HSD17B13: variants seen among roughly 807,000 people sequenced by gnomAD.
HSD17B13 encodes 17-beta-hydroxysteroid dehydrogenase 13.
A neutral mutation model predicts 31.1 loss-of-function variants in HSD17B13; 26 were observed. The ratio of observed to expected loss-of-function variants is 0.84; its 90% CI spans 0.61 to 1.16. The LOEUF (loss-of-function observed/expected upper bound fraction) is 1.16, where lower values mean the gene tolerates loss of function less well. Among genes scored for constraint, HSD17B13 ranks in the 50% most tolerant of loss-of-function variants. The pLI is 0.00. For missense variants in HSD17B13, 374 were observed against 366.5 expected (o/e 1.02, Z -0.17); for synonymous variants, 141 against 133.7 (o/e 1.05, Z -0.38).
chr4:87,315,985 GT>G (rs890265793), intron 3 of HSD17B13, among the ~76,000 whole-genome samples: 4 of 152,158 alleles, frequency 2.6e-5, no homozygotes, highest in African/African-American at 9.7e-5. Context: ...AATTAAAAGA[GT>G]GAAATCTTGT....
At chr4:87,315,004 C>T (rs913542931) in intron 4 of HSD17B13, among the ~76,000 whole-genome samples, 3 of 152,202 alleles carry the variant, frequency 2.0e-5, no homozygotes, top group Admixed American at 1.3e-4. Context: ...AATCACTCTG[C>T]TCTCAGCATT....
At chr4:87,318,506 C>G in intron 1 of HSD17B13, 70 bp from the exon 2 acceptor site, 1 of 1,326,418 alleles carries the variant, frequency 7.5e-7, no homozygotes, top group South Asian at 1.2e-5. Context: ...AATTTTTAGA[C>G]AATTAACATT....
rs1734632848 is a variant in HSD17B13 at position 87,315,535 on chromosome 4, G to T, written c.515C>A (p.Ser172Ter). ...RNHGHIVTVA[S>*]VCGHEGIPYL... Reference sequence around the variant, plus strand: ...AGGAATCCCTTCGTGGCCGCACACTGAAGCCACTGTGACGATGTGGCCATG... The same window carrying T: ...AGGAATCCCTTCGTGGCCGCACACTTAAGCCACTGTGACGATGTGGCCATG... The change falls in exon 4 of 7, where the codon TCA (serine) becomes TAA (stop). Residue 172 changes from serine to a stop codon, truncating the protein, a stop_gained. Coordinates refer to ENST00000328546, the MANE Select transcript of HSD17B13 (RefSeq NM_178135.5). LOFTEE classifies it high-confidence loss of function. 1 of 1,612,066 alleles carries T rather than the reference G, an allele frequency of 6.2e-7. No individual in the cohort carries two copies. The highest frequency in any genetic ancestry group is 1.3e-5 in the African/African-American group (1 of 74,906).
chr4:87,317,675 C>G (rs556345226), intron 2 of HSD17B13, among the ~76,000 whole-genome samples: 1 of 140,932 alleles, frequency 7.1e-6, no homozygotes, highest in South Asian at 2.2e-4. Context: ...TCACAAAGTG[C>G]TGGGATTACA....
intron 3 of HSD17B13, among the ~76,000 whole-genome samples, chr4:87,316,119 A>G (rs191927243): frequency 6.6e-6 from 1 of 152,316 alleles, no homozygotes; most frequent in East Asian, 1.9e-4. Context: ...TGTTACAGAA[A>G]ACAAGTCTTT....
At chr4:87,310,143 C>T in intron 6 of HSD17B13, 100 bp downstream of exon 6, 2 of 1,393,386 alleles carry the variant, frequency 1.4e-6, no homozygotes, top group South Asian at 1.6e-5. Flanking sequence ...CACCGCAATC[C>T]AGCCAGGGTG....
chr4:87,311,576 T>A (rs1734531141), intron 5 of HSD17B13, among the ~76,000 whole-genome samples: 1 of 152,178 alleles, frequency 6.6e-6, no homozygotes, highest in South Asian at 2.1e-4. Context: ...GTACATGTAC[T>A]CTTGAGAAAT....
At chr4:87,312,948 A>C (rs1734567229) in intron 5 of HSD17B13, among the ~76,000 whole-genome samples, 1 of 150,612 alleles carries the variant, frequency 6.6e-6, no homozygotes, top group African/African-American at 2.5e-5. Context: ...TAATCCAAAT[A>C]CTCAGGAGGC....
At position 87,310,248 on chromosome 4, in the gene HSD17B13, T is replaced by C. The variant is rs1734500830; in HGVS notation, c.807A>G (p.Leu269=). The change falls in exon 6 of 7, where the codon CTA becomes CTG. Residue 269 remains leucine, a synonymous_variant. Transcript: ENST00000328546. ...GTGTTCTGTGCTGTACTTACTTCTG[T>C]AGTCTCAGAAAGATATTGATATACG... is the stretch of plus-strand genomic sequence containing the variant. ...VPSYINIFLR[L]QKFLPERASA... is the part of the protein sequence containing the mutation. 1.9e-6 allele frequency: 3 copies of C among 1,565,896 alleles called. No individual in the cohort carries two copies. The highest frequency in any genetic ancestry group is 2.4e-5 in the East Asian group (1 of 42,268).
chr4:87,308,478 T>A (rs1734440691), intron 6 of HSD17B13, among the ~76,000 whole-genome samples: 1 of 75,070 alleles, frequency 1.3e-5, no homozygotes, highest in African/African-American at 4.3e-5. Flanking sequence ...TGAAACCCCG[T>A]CTCTACTAAA....
intron 6 of HSD17B13, among the ~76,000 whole-genome samples, chr4:87,309,550 C>A (rs1247390986): frequency 2.6e-5 from 4 of 152,084 alleles, no homozygotes; most frequent in South Asian, 2.1e-4. Flanking sequence ...GATTAGAAAA[C>A]TCAATATTGT....
Position 87,303,889 on chromosome 4 carries a change from T to TA in HSD17B13, c.*1328dup, listed in dbSNP as rs1457689558. On this transcript the variant is annotated 3_prime_UTR_variant, in exon 7 of 7. Transcript: ENST00000328546. ...TTTAGTGAATTGTTTTTGTGACTTTTAAAAAAATCATTTGTTTTTAATAAA... is the reference window on the plus strand; with the variant it reads ...TTTAGTGAATTGTTTTTGTGACTTTTAAAAAAAATCATTTGTTTTTAATAAA... 1 of 146,336 alleles carries TA rather than the reference T, an allele frequency of 6.8e-6. No individual in the cohort carries two copies. The highest frequency in any genetic ancestry group is 2.5e-5 in the African/African-American group (1 of 39,244). 9.1% of individuals were successfully genotyped at this position (146,336 alleles called of 1,614,324 possible). A position where few individuals can be genotyped will look rare whatever the true frequency, so the allele number is the denominator to read the frequency against.
intron 6 of HSD17B13, among the ~76,000 whole-genome samples, chr4:87,307,546 C>A (rs1734419548): frequency 6.6e-6 from 1 of 152,002 alleles, no homozygotes; most frequent in African/African-American, 2.4e-5. Flanking sequence ...GACAGAGTCT[C>A]CTGTTGCCCA....
intron 1 of HSD17B13, among the ~76,000 whole-genome samples, chr4:87,321,405 A>G (rs1051184482): frequency 6.6e-6 from 1 of 152,214 alleles, no homozygotes; most frequent in Non-Finnish European, 1.5e-5. Context: ...TTTAAAAAAA[A>G]CTTAATAAAT....
At chr4:87,317,548 G>A (rs1578442346) in intron 2 of HSD17B13, among the ~76,000 whole-genome samples, 1 of 66,378 alleles carries the variant, frequency 1.5e-5, no homozygotes, top group Admixed American at 1.3e-4. Context: ...TTTTAAAAAT[G>A]TGTTTTTCTT....
At chr4:87,319,912 G>T (rs1000230430) in intron 1 of HSD17B13, among the ~76,000 whole-genome samples, 5 of 152,196 alleles carry the variant, frequency 3.3e-5, no homozygotes, top group Non-Finnish European at 7.3e-5. Flanking sequence ...TTTCACCTCA[G>T]GTGACTTTTA....
At chr4:87,320,206 A>C (rs1734747830) in intron 1 of HSD17B13, among the ~76,000 whole-genome samples, 1 of 152,116 alleles carries the variant, frequency 6.6e-6, no homozygotes, top group South Asian at 2.1e-4. Flanking sequence ...CTTTTGTGGG[A>C]TTGCAGAAGA....
chr4:87,314,035 A>G (rs1348314016), intron 4 of HSD17B13, 75 bp from the exon 5 acceptor site: 9 of 1,261,956 alleles, frequency 7.1e-6, no homozygotes, highest in African/African-American at 6.2e-5. Flanking sequence ...AGAAGGCGGT[A>G]TCATTTGGCT....
chr4:87,317,256 G>A, intron 2 of HSD17B13, 33 bp from the exon 3 acceptor site: 1 of 1,609,398 alleles, frequency 6.2e-7, no homozygotes, highest in Non-Finnish European at 8.5e-7. Flanking sequence ...TTCACTGGGT[G>A]TATTATTCAA....
Sources: gnomAD v4.1 joint callset for allele counts (sites outside exome capture counted in the v4.1 genomes callset) on GRCh38, gnomAD v4.1.1 for gene constraint, MANE v1.5 for transcripts, NCBI Gene and HGNC (gene_info 2026-07-23, HGNC 2026-07-21) for gene names.